RGL1: variants seen among roughly 807,000 people sequenced by gnomAD.
RGL1 encodes the protein ral guanine nucleotide dissociation stimulator-like 1.
Under a neutral mutation model 95.2 loss-of-function variants are expected in RGL1, and 24 were observed. The ratio of observed to expected loss-of-function variants is 0.25; its 90% CI spans 0.18 to 0.35. RGL1 has a LOEUF of 0.35. Ranked by LOEUF, RGL1 falls within the 10% of genes least tolerant of loss-of-function variation. RGL1 has a pLI of 1.00. For missense variants in RGL1, 715 were observed against 936.3 expected, an observed-to-expected ratio of 0.76 and a Z score of 3.08; for synonymous variants, 329 against 344.9, an observed-to-expected ratio of 0.95 and a Z score of 0.51.
At chr1:183,923,899 A>G (rs1003465019) in intron 17 of RGL1, among the ~76,000 whole-genome samples, 20 of 152,222 alleles carry the variant, frequency 1.3e-4, no homozygotes, top group Non-Finnish European at 2.6e-4. Context: ...AGTTAACTTA[A>G]GACTCAATTT....
chr1:183,824,188 C>T (rs954354639), intron 2 of RGL1, among the ~76,000 whole-genome samples: 2 of 152,074 alleles, frequency 1.3e-5, no homozygotes, highest in East Asian at 1.9e-4. Context: ...ACTACCCATC[C>T]GTTGTTTTCA....
intron 15 of RGL1, among the ~76,000 whole-genome samples, chr1:183,916,077 G>A (rs1162137581): frequency 6.6e-6 from 1 of 152,176 alleles, no homozygotes; most frequent in East Asian, 1.9e-4. Flanking sequence ...AATCAACTGC[G>A]TTGGCAAGGC....
At chr1:183,796,719 A>T (rs1161475756) in intron 2 of RGL1, among the ~76,000 whole-genome samples, 1 of 152,120 alleles carries the variant, frequency 6.6e-6, no homozygotes, top group Non-Finnish European at 1.5e-5. Flanking sequence ...CTTCAGTCCC[A>T]CAAAGAGATA....
chr1:183,703,495 C>G (rs919705262), intron 1 of RGL1, among the ~76,000 whole-genome samples: 3 of 152,178 alleles, frequency 2.0e-5, no homozygotes, highest in African/African-American at 7.2e-5. Context: ...GAGAACCACC[C>G]TCCTAGAATG....
chr1:183,902,199 A>G (rs962116715), intron 11 of RGL1, among the ~76,000 whole-genome samples: 12 of 152,230 alleles, frequency 7.9e-5, no homozygotes, highest in African/African-American at 2.9e-4. Flanking sequence ...GATAAACCGT[A>G]TGAGTCAATG....
chr1:183,673,335 G>T (rs1652599625), intron 1 of RGL1, among the ~76,000 whole-genome samples: 1 of 152,118 alleles, frequency 6.6e-6, no homozygotes, highest in Admixed American at 6.5e-5. Context: ...ACTCATGTTT[G>T]GGGAACCTTT....
chr1:183,853,316 G>A (rs1027171903), intron 3 of RGL1, among the ~76,000 whole-genome samples: 2 of 152,026 alleles, frequency 1.3e-5, no homozygotes, highest in African/African-American at 4.8e-5. Context: ...GTAACAAAGC[G>A]AGACCCTGTC....
chr1:183,708,382 T>G (rs1304606732), intron 1 of RGL1, among the ~76,000 whole-genome samples: 1 of 152,136 alleles, frequency 6.6e-6, no homozygotes, highest in Non-Finnish European at 1.5e-5. Context: ...TCTCCCAAAT[T>G]AACAAGACTT....
chr1:183,918,845 C>G (rs962981372), intron 16 of RGL1, among the ~76,000 whole-genome samples: 2 of 152,246 alleles, frequency 1.3e-5, no homozygotes, highest in African/African-American at 4.8e-5. Context: ...ACACACTGCT[C>G]TCGTGCTCTC....
chr1:183,832,781 T>C (rs1663348549), intron 2 of RGL1, among the ~76,000 whole-genome samples: 1 of 152,198 alleles, frequency 6.6e-6, no homozygotes, highest in Non-Finnish European at 1.5e-5. Context: ...ATGTATCTGC[T>C]TTATAAGGTT....
At chr1:183,643,823 G>A (rs180798890) in intron 1 of RGL1, among the ~76,000 whole-genome samples, 57 of 152,192 alleles carry the variant, frequency 3.7e-4, no homozygotes, top group African/African-American at 1.2e-3. Context: ...TTTGAGGAAC[G>A]ATTTGCACTT....
chr1:183,730,089 C>G (rs1656541973), intron 1 of RGL1, among the ~76,000 whole-genome samples: 2 of 152,088 alleles, frequency 1.3e-5, no homozygotes, highest in South Asian at 2.1e-4. Flanking sequence ...AGAATATACC[C>G]TTAACATGAG....
At chr1:183,805,094 G>A (rs1284902507), upstream of RGL1, 30 of 484,180 alleles carry the variant, frequency 6.2e-5, no homozygotes, top group Admixed American at 1.4e-4. Flanking sequence ...CTCCTCGCTT[G>A]CTCGCTCGCT....
chr1:183,914,294 C>CT (rs1244958385), intron 15 of RGL1, among the ~76,000 whole-genome samples: 2 of 152,342 alleles, frequency 1.3e-5, no homozygotes, highest in East Asian at 1.9e-4. Flanking sequence ...CTTGCTTCAT[C>CT]TTTTTTGTCT....
chr1:183,707,272 G>A (rs2102161074), intron 1 of RGL1, among the ~76,000 whole-genome samples: 1 of 152,220 alleles, frequency 6.6e-6, no homozygotes, highest in South Asian at 2.1e-4. Flanking sequence ...GTGGAAGAGA[G>A]GATAACATAG....
intron 3 of RGL1, among the ~76,000 whole-genome samples, chr1:183,860,464 C>T (rs1665445249): frequency 6.6e-6 from 1 of 152,196 alleles, no homozygotes; most frequent in South Asian, 2.1e-4. Flanking sequence ...TATTCACGCT[C>T]ACTCAGCTCT....
rs544892896 is a variant in RGL1 at position 183,839,860 on chromosome 1, C to T, written c.139-7706C>T. On this transcript the variant is annotated intron_variant, in intron 2 of 17. Transcript: ENST00000360851. ...TTTCCTCACCCATCATAAGGGTCAT[C>T]GGTAACTCTCCTATAACAAAAGACA... 8.5e-4 allele frequency among the ~76,000 whole-genome samples: 129 copies of T among 152,246 alleles called. 1 individual carries two copies. The highest frequency in any genetic ancestry group is 3.0e-3 in the African/African-American group (124 of 41,544).
intron 1 of RGL1, among the ~76,000 whole-genome samples, chr1:183,737,582 C>CA (rs397805638): frequency 0.52 from 61,016 of 118,398 alleles, 14,196 homozygotes; most frequent in East Asian, 0.75. Flanking sequence ...TCTATCTCTA[C>CA]AAAAAAAAAA....
chr1:183,840,752 T>G (rs528365869), intron 2 of RGL1, among the ~76,000 whole-genome samples: 1 of 151,902 alleles, frequency 6.6e-6, no homozygotes, highest in East Asian at 1.9e-4. Flanking sequence ...ATAAATTAGC[T>G]GGGGTGGTGC....
Sources: gnomAD v4.1 joint callset for allele counts (sites outside exome capture counted in the v4.1 genomes callset) on GRCh38, gnomAD v4.1.1 for gene constraint, MANE v1.5 for transcripts, NCBI Gene and HGNC (gene_info 2026-07-23, HGNC 2026-07-21) for gene names.